OSBPL9: variants seen among roughly 807,000 people sequenced by gnomAD.
OSBPL9 encodes the protein oxysterol-binding protein-related protein 9.
In OSBPL9, 40 loss-of-function variants were observed where a neutral mutation model predicts 106.6. That is an observed-to-expected ratio of 0.38 (90% CI 0.29 to 0.49). OSBPL9 has a LOEUF of 0.49. Ranked by LOEUF, OSBPL9 falls within the 20% of genes least tolerant of loss-of-function variation. OSBPL9 has a pLI of 0.97. For missense variants in OSBPL9, 609 were observed against 887.2 expected, an observed-to-expected ratio of 0.69 and a Z score of 3.98; for synonymous variants, 269 against 295.4, an observed-to-expected ratio of 0.91 and a Z score of 0.92.
chr1:51,572,971 G>A (rs1033358880), upstream of OSBPL9, among the ~76,000 whole-genome samples: 1 of 152,182 alleles, frequency 6.6e-6, no homozygotes, highest in African/African-American at 2.4e-5. Context: ...CAGCAATGCG[G>A]GAGGCTGAGG....
chr1:51,627,401 C>G (rs1419637087), intron 1 of OSBPL9, among the ~76,000 whole-genome samples: 2 of 152,112 alleles, frequency 1.3e-5, no homozygotes, highest in Non-Finnish European at 2.9e-5. Flanking sequence ...AGACTTCTTT[C>G]TCCATTGAAT....
Position 51,711,299 on chromosome 1 carries a change from C to T in OSBPL9, c.242-2704C>T, listed in dbSNP as rs535367007. On this transcript the variant is annotated intron_variant, in intron 3 of 23. Coordinates refer to ENST00000428468, the MANE Select transcript of OSBPL9 (RefSeq NM_024586.6). ...TAGGGGCGGCCGGGCAGAGGTGCCC[C>T]TCACCTCCCGGACGGGGCGGCTGGC... Among the ~76,000 whole-genome samples the T allele has an allele frequency of 1.0e-3, 155 of 150,642 alleles. 1 individual carries two copies. Among genetic ancestry groups the T allele is most frequent in the African/African-American group, 3.7e-3 (150 of 41,020 alleles).
At chr1:51,698,493 T>C (rs1174706915) in intron 3 of OSBPL9, among the ~76,000 whole-genome samples, 2 of 152,212 alleles carry the variant, frequency 1.3e-5, no homozygotes, top group African/African-American at 2.4e-5. Flanking sequence ...TGTACACATA[T>C]GTGTGCATAT....
chr1:51,769,297 A>G (rs1399557607), intron 12 of OSBPL9, among the ~76,000 whole-genome samples: 1 of 152,130 alleles, frequency 6.6e-6, no homozygotes, highest in East Asian at 1.9e-4. Flanking sequence ...TTTTCTAAAG[A>G]CCTATACTAA....
chr1:51,690,965 T>A (rs1038696437), intron 3 of OSBPL9, among the ~76,000 whole-genome samples: 12 of 152,222 alleles, frequency 7.9e-5, no homozygotes, highest in Admixed American at 7.2e-4. Flanking sequence ...ATTACTGAAG[T>A]AAATACTGTA....
At chr1:51,720,752 A>G (rs901598611) in intron 4 of OSBPL9, among the ~76,000 whole-genome samples, 2 of 148,422 alleles carry the variant, frequency 1.3e-5, no homozygotes, top group African/African-American at 5.0e-5. Context: ...TTTTGTGGCT[A>G]CTTCATGTAG....
intron 8 of OSBPL9, among the ~76,000 whole-genome samples, chr1:51,750,823 C>T (rs1439276722): frequency 1.3e-5 from 2 of 152,184 alleles, no homozygotes; most frequent in African/African-American, 4.8e-5. Context: ...CCTCACTACA[C>T]CCCTTTATTT....
chr1:51,676,657 TAAA>T (rs745556662), intron 3 of OSBPL9, among the ~76,000 whole-genome samples: 1 of 88,870 alleles, frequency 1.1e-5, no homozygotes, highest in Non-Finnish European at 2.3e-5. Context: ...AGACTCCATC[TAAA>T]AAAAAAAAAA....
chr1:51,629,847 G>T (rs1370122793), intron 1 of OSBPL9, among the ~76,000 whole-genome samples: 3 of 152,028 alleles, frequency 2.0e-5, no homozygotes, highest in African/African-American at 7.2e-5. Context: ...TACTTGGGAG[G>T]CTGAGGCAGG....
chr1:51,597,920 A>C (rs550711398), intron 1 of OSBPL9, among the ~76,000 whole-genome samples: 9 of 152,346 alleles, frequency 5.9e-5, no homozygotes, highest in Middle Eastern at 3.4e-3. Context: ...CTTGCTCTCC[A>C]GGAATTCTCA....
intron 8 of OSBPL9, among the ~76,000 whole-genome samples, chr1:51,751,534 A>T (rs1669241465): frequency 6.6e-6 from 1 of 152,104 alleles, no homozygotes; most frequent in Non-Finnish European, 1.5e-5. Context: ...CAAAAGAGAT[A>T]AAGTTTTTAT....
At chr1:51,566,808 C>A in the OSBPL9 span, among the ~76,000 whole-genome samples, 1 of 152,204 alleles carries the variant, frequency 6.6e-6, no homozygotes. Flanking sequence ...GTCTTTCTGC[C>A]TGTCCCACTA....
chr1:51,567,085 A>G, the OSBPL9 span: 2 of 152,160 alleles, frequency 1.3e-5, no homozygotes, highest in African/African-American at 4.8e-5. Flanking sequence ...TATCTTTTCT[A>G]AGAATTCAAT....
chr1:51,733,518 T>C (rs1231739713), intron 4 of OSBPL9, among the ~76,000 whole-genome samples: 2 of 152,160 alleles, frequency 1.3e-5, no homozygotes, highest in Non-Finnish European at 2.9e-5. Context: ...GCTCACGCTG[T>C]AATCCTAGCA....
upstream of OSBPL9, among the ~76,000 whole-genome samples, chr1:51,616,222 T>C (rs1400908399): frequency 6.6e-6 from 1 of 152,132 alleles, no homozygotes; most frequent in Non-Finnish European, 1.5e-5. Flanking sequence ...TGATCTCAAG[T>C]GATCTGCCTG....
At chr1:51,780,012 A>T (rs190654762) in intron 15 of OSBPL9, among the ~76,000 whole-genome samples, 51 of 151,434 alleles carry the variant, frequency 3.4e-4, no homozygotes, top group Non-Finnish European at 5.9e-4. Flanking sequence ...CGGCAGGTGG[A>T]GCTTGCAGTG....
rs561402844 is a variant in OSBPL9 at position 51,750,159 on chromosome 1, A to C, written c.507A>C (p.Ser169=). ...TGTTTTTATAGAGCATGGTAGAATC[A>C]ATTAAACACTGCATTGTGTTGCTGC... ...LKETTNSMVE[S]IKHCIVLLQI... The change falls in exon 8 of 24, where the codon TCA becomes TCC. Residue 169 remains serine, a synonymous_variant. Transcript: ENST00000428468. 1.4e-5 allele frequency: 23 copies of C among 1,606,692 alleles called. No individual in the cohort carries two copies. The African/African-American group carries it at 2.4e-4, about 17-fold the overall frequency.
intron 1 of OSBPL9, among the ~76,000 whole-genome samples, chr1:51,634,175 T>A (rs867282183): frequency 6.6e-6 from 1 of 152,236 alleles, no homozygotes; most frequent in Non-Finnish European, 1.5e-5. Flanking sequence ...TCCCTTTTTA[T>A]AATCTTGTTA....
chr1:51,619,844 GA>G (rs1191216321), intron 1 of OSBPL9, among the ~76,000 whole-genome samples: 3 of 152,178 alleles, frequency 2.0e-5, no homozygotes, highest in Non-Finnish European at 4.4e-5. Flanking sequence ...TAATAACTTG[GA>G]GCTACATCTT....
Sources: allele counts gnomAD v4.1 joint callset (sites outside exome capture counted in the v4.1 genomes callset), GRCh38; gene constraint gnomAD v4.1.1; transcripts MANE v1.5; gene names NCBI Gene and HGNC (gene_info 2026-07-23, HGNC 2026-07-21).